Variants in WWOX observed in about 807,000 individuals in gnomAD.
The protein encoded by WWOX is WW domain containing oxidoreductase, also known as WW domain-containing oxidoreductase.
WWOX carries 69 observed loss-of-function variants against 46.2 expected under a neutral mutation model. That is an observed-to-expected ratio of 1.49 (90% CI 1.23 to 1.82). WWOX has a LOEUF of 1.82. WWOX is among the 40% of genes most tolerant of loss of function. WWOX has a pLI of 0.00. For missense variants in WWOX, 919 were observed against 542.6 expected (o/e 1.69, Z -6.89); for synonymous variants, 359 against 202.6 (o/e 1.77, Z -6.56).
intron 4 of WWOX, among the ~76,000 whole-genome samples, chr16:78,143,478 A>G (rs1398283508): frequency 6.6e-6 from 1 of 152,184 alleles, no homozygotes; most frequent in Non-Finnish European, 1.5e-5. Context: ...ATCAGGTTTT[A>G]TTGGAACACG....
chr16:78,405,034 C>G (rs1335385285), intron 6 of WWOX, among the ~76,000 whole-genome samples: 2 of 152,156 alleles, frequency 1.3e-5, no homozygotes, highest in African/African-American at 4.8e-5. Flanking sequence ...ACATTTCCCC[C>G]TATTTACAAT....
intron 8 of WWOX, among the ~76,000 whole-genome samples, chr16:78,544,151 C>G (rs2043965642): frequency 6.6e-6 from 1 of 152,096 alleles, no homozygotes. Context: ...AGCATAATCT[C>G]TTAATATTCA....
intron 5 of WWOX, among the ~76,000 whole-genome samples, chr16:78,386,372 C>G: frequency 6.6e-6 from 1 of 152,224 alleles, no homozygotes; most frequent in Non-Finnish European, 1.5e-5. Context: ...TTGGTATAAA[C>G]GAGTCTTTCT....
Position 79,044,279 on chromosome 16 carries a change from G to A in WWOX, c.1057-167329G>A, listed in dbSNP as rs180875202. Reference sequence around the variant, plus strand: ...TGAAAGTATTGAAGTTCCAGCTGGCGGTCTGATACAGCTTAGATGTTGTCC... The same window carrying A: ...TGAAAGTATTGAAGTTCCAGCTGGCAGTCTGATACAGCTTAGATGTTGTCC... On this transcript the variant is annotated intron_variant, in intron 8 of 8. Coordinates refer to ENST00000566780, the MANE Select transcript of WWOX (RefSeq NM_016373.4). Among the ~76,000 whole-genome samples, 176 of 152,270 alleles carry A rather than the reference G, an allele frequency of 1.2e-3. 1 individual carries two copies. Among genetic ancestry groups the A allele is most frequent in the African/African-American group, 3.7e-3 (155 of 41,564 alleles).
intron 8 of WWOX, among the ~76,000 whole-genome samples, chr16:78,622,658 C>A (rs544476771): frequency 1.4e-5 from 2 of 143,374 alleles, no homozygotes; most frequent in Admixed American, 7.2e-5. Context: ...GATCACCCTT[C>A]CCCCACCTTG....
At chr16:78,407,966 A>C (rs915843310) in intron 6 of WWOX, among the ~76,000 whole-genome samples, 10 of 152,140 alleles carry the variant, frequency 6.6e-5, no homozygotes, top group African/African-American at 9.7e-5. Flanking sequence ...CCCAAGCAAA[A>C]TTGGAAGCCA....
rs73578911 is a variant in WWOX at position 78,492,800 on chromosome 16, C to T, written c.1056+60048C>T. On this transcript the variant is annotated intron_variant, in intron 8 of 8. Transcript: ENST00000566780. The stretch of plus-strand genomic sequence containing the variant: ...GTGTTTGTTTTCCACCATTTGTAGC[C>T]TTTTGACAAATTTCTGGGGGCCTCA... Among the ~76,000 whole-genome samples, 418 of 152,244 alleles carry T rather than the reference C, an allele frequency of 2.7e-3. 3 individuals carry two copies. Among genetic ancestry groups the T allele is most frequent in the African/African-American group, 9.6e-3 (397 of 41,534 alleles).
rs552647172 is a variant in WWOX at position 78,099,699 on chromosome 16, C to T, written c.-80C>T. On this transcript the variant is annotated 5_prime_UTR_variant, in exon 1 of 9. Coordinates refer to ENST00000566780, the MANE Select transcript of WWOX (RefSeq NM_016373.4). Reference sequence around the variant, plus strand: ...GTCGGGCCCCGACGCGCGCGGGTCTCGTTTGGAGCGGGAGTGAGTTCCTGA... The same window carrying T: ...GTCGGGCCCCGACGCGCGCGGGTCTTGTTTGGAGCGGGAGTGAGTTCCTGA... The T allele has an allele frequency of 2.0e-6, 3 of 1,464,766 alleles. No individual in the cohort carries two copies. Among genetic ancestry groups the T allele is most frequent in the Non-Finnish European group, 2.7e-6 (3 of 1,107,704 alleles). The allele number at this position is 1,464,766 out of a possible 1,614,324, so 90.7% of individuals were successfully genotyped here.
At chr16:79,000,456 A>G (rs1421992106) in intron 8 of WWOX, among the ~76,000 whole-genome samples, 4 of 152,202 alleles carry the variant, frequency 2.6e-5, no homozygotes, top group African/African-American at 9.7e-5. Flanking sequence ...GCCCAGTCGA[A>G]TCAGAGATGG....
intron 8 of WWOX, among the ~76,000 whole-genome samples, chr16:78,919,259 C>A (rs1052540258): frequency 2.0e-5 from 3 of 152,070 alleles, no homozygotes; most frequent in Non-Finnish European, 2.9e-5. Flanking sequence ...CACCCCCCCA[C>A]TCTTAGCCCA....
At chr16:78,745,142 G>T (rs552765415) in intron 8 of WWOX, among the ~76,000 whole-genome samples, 161 of 152,296 alleles carry the variant, frequency 1.1e-3, no homozygotes, top group African/African-American at 3.8e-3. Context: ...GTTTGAATAT[G>T]AACATGCCTC....
At chr16:78,260,259 T>C (rs892274178) in intron 5 of WWOX, among the ~76,000 whole-genome samples, 1 of 151,460 alleles carries the variant, frequency 6.6e-6, no homozygotes, top group South Asian at 2.1e-4. Flanking sequence ...AGGGGCCTGA[T>C]TGTTAAAAGA....
intron 8 of WWOX, among the ~76,000 whole-genome samples, chr16:78,605,165 G>C (rs964551068): frequency 1.3e-5 from 2 of 150,842 alleles, no homozygotes; most frequent in Non-Finnish European, 2.9e-5. Flanking sequence ...CAAAGTCTAG[G>C]AATGCCTGAT....
intron 5 of WWOX, among the ~76,000 whole-genome samples, chr16:78,360,972 C>G (rs1176898059): frequency 2.0e-5 from 3 of 152,062 alleles, no homozygotes; most frequent in Non-Finnish European, 4.4e-5. Context: ...ACGCATGCAC[C>G]ACCATGCCTG....
intron 8 of WWOX, among the ~76,000 whole-genome samples, chr16:78,965,277 A>G (rs1206920245): frequency 2.6e-5 from 4 of 152,206 alleles, no homozygotes; most frequent in African/African-American, 9.6e-5. Flanking sequence ...TTAAATCACT[A>G]GTAAAATTTG....
At chr16:79,209,952 C>G (rs143011185) in intron 8 of WWOX, among the ~76,000 whole-genome samples, 3 of 152,198 alleles carry the variant, frequency 2.0e-5, no homozygotes, top group Admixed American at 1.3e-4. Context: ...ACAGCTGAAT[C>G]CAGGATAATA....
intron 8 of WWOX, among the ~76,000 whole-genome samples, chr16:78,801,648 C>T (rs181346467): frequency 2.8e-4 from 43 of 152,298 alleles, no homozygotes; most frequent in African/African-American, 1.0e-3. Context: ...AACTTTGTTT[C>T]TGAATGAAGT....
chr16:78,991,693 C>G (rs1055343470), intron 8 of WWOX, among the ~76,000 whole-genome samples: 1 of 151,334 alleles, frequency 6.6e-6, no homozygotes, highest in Non-Finnish European at 1.5e-5. Flanking sequence ...GTTTCCTTTC[C>G]TATACAACGC....
chr16:78,831,427 G>A (rs150506456), intron 8 of WWOX, among the ~76,000 whole-genome samples: 1 of 152,306 alleles, frequency 6.6e-6, no homozygotes, highest in African/African-American at 2.4e-5. Context: ...GTCTTAAGAT[G>A]CTTAGCAGTG....
Sources: gnomAD v4.1 joint callset for allele counts (sites outside exome capture counted in the v4.1 genomes callset) on GRCh38, gnomAD v4.1.1 for gene constraint, MANE v1.5 for transcripts, NCBI Gene and HGNC (gene_info 2026-07-23, HGNC 2026-07-21) for gene names.